Variants in CCDC83 observed in about 807,000 individuals in gnomAD.
The protein encoded by CCDC83 is coiled-coil domain containing 83.
Under a neutral mutation model 50.1 loss-of-function variants are expected in CCDC83, and 54 were observed. The observed-to-expected ratio is 1.08, with a 90% CI of 0.87 to 1.35. The LOEUF is 1.35. Ranked by LOEUF, CCDC83 falls within the 40% of genes most tolerant of loss-of-function variation. CCDC83 has a pLI of 0.00. For synonymous variants in CCDC83, 161 were observed against 153.3 expected, an observed-to-expected ratio of 1.05 and a Z score of -0.37; for missense variants, 518 against 473.9, an observed-to-expected ratio of 1.09 and a Z score of -0.86.
intron 7 of CCDC83, among the ~76,000 whole-genome samples, chr11:85,908,990 A>G (rs2093439683): frequency 1.3e-5 from 2 of 152,084 alleles, no homozygotes; most frequent in Admixed American, 1.3e-4. Flanking sequence ...CTGAAGTGTC[A>G]TGGTGCAGTC....
At chr11:85,856,469 G>A (rs2093141745) in intron 1 of CCDC83, among the ~76,000 whole-genome samples, 1 of 151,954 alleles carries the variant, frequency 6.6e-6, no homozygotes, top group Admixed American at 6.6e-5. Context: ...AGTAAGAGTG[G>A]GAAAAAAATG....
At chr11:85,870,893 G>T (rs1028718819) in intron 2 of CCDC83, among the ~76,000 whole-genome samples, 2 of 152,164 alleles carry the variant, frequency 1.3e-5, no homozygotes, top group Non-Finnish European at 2.9e-5. Context: ...TAGGCCAGGC[G>T]CAGTGGCTCA....
In CCDC83 at chr11:85,864,986, A is replaced by G. The variant is rs2093198676; in HGVS notation, c.-28-110A>G. The stretch of plus-strand genomic sequence containing the variant: ...TGTTAGATCTGGGGACATGGAAGCA[A>G]TCAGGATAGAAAGCCAGTATTAAGT... On this transcript the variant is annotated intron_variant, in intron 1 of 10. Coordinates refer to ENST00000342404, the MANE Select transcript of CCDC83 (RefSeq NM_001286159.2). 2.2e-5 allele frequency: 14 copies of G among 633,192 alleles called. No homozygotes were observed. The South Asian group carries it at 2.6e-4, about 12-fold the overall frequency. The allele number at this position is 633,192 out of a possible 1,614,324, so 39.2% of individuals were successfully genotyped here. A position where few individuals can be genotyped will look rare whatever the true frequency, so the allele number is the denominator to read the frequency against.
intron 3 of CCDC83, among the ~76,000 whole-genome samples, chr11:85,876,882 T>C (rs1402589815): frequency 6.6e-6 from 1 of 152,060 alleles, no homozygotes; most frequent in Non-Finnish European, 1.5e-5. Flanking sequence ...AAAATCAATC[T>C]TTTTTTTGTA....
intron 5 of CCDC83, among the ~76,000 whole-genome samples, chr11:85,889,850 A>G (rs916831410): frequency 3.9e-5 from 6 of 152,216 alleles, no homozygotes; most frequent in Non-Finnish European, 5.9e-5. Flanking sequence ...AAAACTTTTT[A>G]AAGTCTCAGT....
chr11:85,918,703 C>A (rs1190392945), intron 10 of CCDC83, among the ~76,000 whole-genome samples: 1 of 152,150 alleles, frequency 6.6e-6, no homozygotes, highest in Non-Finnish European at 1.5e-5. Context: ...GTGGTCTGTG[C>A]CTGTCTCCAA....
chr11:85,872,871 A>G (rs1368314107), intron 2 of CCDC83, among the ~76,000 whole-genome samples: 1 of 152,108 alleles, frequency 6.6e-6, no homozygotes. Context: ...TTTTGTCTAA[A>G]TGTTTTTAGA....
At chr11:85,916,007 A>G (rs556014346) in intron 9 of CCDC83, 21 bp from the exon 10 acceptor site, 68 of 1,489,154 alleles carry the variant, frequency 4.6e-5, no homozygotes, top group Admixed American at 3.6e-4. Context: ...TACATAATTA[A>G]TTCCTTTGTA....
intron 5 of CCDC83, 125 bp downstream of exon 5, chr11:85,886,492 T>C (rs77756234): frequency 0.056 from 39,707 of 711,862 alleles, 1,450 homozygotes; most frequent in East Asian, 0.094. Context: ...CAAGCAGCTG[T>C]GAGCCTAAGG....
chr11:85,915,564 C>T lies in CCDC83; in HGVS notation c.874+66C>T. On this transcript the variant is annotated intron_variant, in intron 9 of 10. Transcript: ENST00000342404. ...CTCTTGTTTTTCAATTTAAAAAACA[C>T]TTACCTATTGTGAGCAGGTGCCCCA... 2.5e-6 allele frequency: 3 copies of T among 1,178,136 alleles called. No homozygotes were observed. In the South Asian group the frequency reaches 4.0e-5, roughly 16 times the overall value. 73.0% of individuals were successfully genotyped at this position (1,178,136 alleles called of 1,614,324 possible). A position where few individuals can be genotyped will look rare whatever the true frequency, so the allele number is the denominator to read the frequency against.
intron 7 of CCDC83, among the ~76,000 whole-genome samples, chr11:85,902,986 C>G (rs531480825): frequency 1.3e-5 from 2 of 152,258 alleles, no homozygotes; most frequent in African/African-American, 4.8e-5. Flanking sequence ...AATCCCAACA[C>G]TTTGGGAGGC....
At chr11:85,855,198 C>T (rs2093132251), upstream of CCDC83, 2 of 152,416 alleles carry the variant, frequency 1.3e-5, no homozygotes, top group Admixed American at 1.3e-4. Context: ...GGTATCCGCC[C>T]CTGCAGGCTG....
chr11:85,917,171 A>G (rs571714751), intron 10 of CCDC83, among the ~76,000 whole-genome samples: 158 of 88,704 alleles, frequency 1.8e-3, no homozygotes, highest in African/African-American at 7.0e-3. Context: ...AGAGAGAGAA[A>G]GAAAGAAAGA....
rs375547020 is a variant in CCDC83, at chr11:85,857,568, C to A, written c.-29+1984C>A. On this transcript the variant is annotated intron_variant, in intron 1 of 10. Transcript: ENST00000342404. ...TCAAGGAGACCATGATTGGGGTCCA[C>A]AAGCTACACAAGATGATGGCCAATG... 7.1e-4 allele frequency among the ~76,000 whole-genome samples: 108 copies of A among 152,292 alleles called. 6 individuals are homozygous for A. The South Asian group carries it at 0.021, about 30-fold the overall frequency.
intron 5 of CCDC83, among the ~76,000 whole-genome samples, chr11:85,890,470 C>T (rs1275332976): frequency 2.6e-5 from 4 of 152,070 alleles, no homozygotes; most frequent in Non-Finnish European, 5.9e-5. Context: ...GAATTGAAAA[C>T]CAGGGACCAA....
rs1471246702 is a variant in CCDC83, at chr11:85,915,980, T to C, written c.875-48T>C. On this transcript the variant is annotated intron_variant, in intron 9 of 10. Coordinates refer to ENST00000342404, the MANE Select transcript of CCDC83 (RefSeq NM_001286159.2). ...AAAGTATGTATTGCATTTTTATTTG[T>C]ATATGTTCAAAATGTATACATAATT... 5 of 1,254,796 alleles carry C rather than the reference T, an allele frequency of 4.0e-6. No individual in the cohort carries two copies. The African/African-American group carries it at 7.5e-5, about 19-fold the overall frequency. 77.7% of individuals were successfully genotyped at this position (1,254,796 alleles called of 1,614,324 possible). A position where few individuals can be genotyped will look rare whatever the true frequency, so the allele number is the denominator to read the frequency against.
At chr11:85,886,435 G>GAAAAAAA in intron 5 of CCDC83, 68 bp downstream of exon 5, 1 of 1,267,082 alleles carries the variant, frequency 7.9e-7, no homozygotes, top group Non-Finnish European at 1.1e-6. Context: ...ATTGATGGAA[G>GAAAAAAA]AAAAAAGTGC....
intron 7 of CCDC83, among the ~76,000 whole-genome samples, chr11:85,903,843 T>C (rs1316203602): frequency 6.6e-6 from 1 of 152,156 alleles, no homozygotes; most frequent in African/African-American, 2.4e-5. Flanking sequence ...TAAACCTGCC[T>C]GTAGTCCCTG....
intron 1 of CCDC83, among the ~76,000 whole-genome samples, chr11:85,856,417 T>C (rs553146280): frequency 6.6e-6 from 1 of 152,218 alleles, no homozygotes; most frequent in Non-Finnish European, 1.5e-5. Context: ...ATTTTCATAG[T>C]TATTTTTCTT....
Sources: gnomAD v4.1 joint callset for allele counts (sites outside exome capture counted in the v4.1 genomes callset) on GRCh38, gnomAD v4.1.1 for gene constraint, MANE v1.5 for transcripts, NCBI Gene and HGNC (gene_info 2026-07-23, HGNC 2026-07-21) for gene names.